Variants in EML4 observed in about 807,000 individuals in gnomAD.
EML4 encodes the protein echinoderm microtubule-associated protein-like 4.
Under a neutral mutation model 129.0 loss-of-function variants are expected in EML4, and 72 were observed. That is an observed-to-expected ratio of 0.56 (90% CI 0.46 to 0.68). The LOEUF (loss-of-function observed/expected upper bound fraction) is 0.68, where lower values mean the gene tolerates loss of function less well. Ranked by LOEUF, EML4 falls within the 30% of genes least tolerant of loss-of-function variation. The pLI is 0.00. For synonymous variants in EML4, 532 were observed against 405.0 expected (o/e 1.31, Z -3.77); for missense variants, 1,363 against 1,190.6 (o/e 1.14, Z -2.13).
intron 1 of EML4, among the ~76,000 whole-genome samples, chr2:42,171,166 A>G (rs184114986): frequency 1.2e-4 from 19 of 152,214 alleles, no homozygotes; most frequent in Admixed American, 2.6e-4. Context: ...GTTCTTTTTT[A>G]GCTCCATGCG....
At chr2:42,208,973 C>G (rs888059882) in intron 1 of EML4, among the ~76,000 whole-genome samples, 1 of 152,124 alleles carries the variant, frequency 6.6e-6, no homozygotes, top group Non-Finnish European at 1.5e-5. Flanking sequence ...TTGTCTACTC[C>G]TAGCTTTTGT....
chr2:42,302,069 T>G (rs1187696362), intron 14 of EML4, among the ~76,000 whole-genome samples: 1 of 152,166 alleles, frequency 6.6e-6, no homozygotes, highest in African/African-American at 2.4e-5. Context: ...TTTGAGATTA[T>G]TATTAAATGT....
At chr2:42,272,073 A>C (rs1666402993) in intron 6 of EML4, among the ~76,000 whole-genome samples, 1 of 118,168 alleles carries the variant, frequency 8.5e-6, no homozygotes. Context: ...ACTGCACTCC[A>C]TCTCAAAAAA....
intron 5 of EML4, among the ~76,000 whole-genome samples, chr2:42,264,070 T>C (rs542890224): frequency 6.7e-6 from 1 of 150,128 alleles, no homozygotes; most frequent in Non-Finnish European, 1.5e-5. Context: ...AAGTTGTATC[T>C]ACCTTTTAAG....
At chr2:42,305,925 C>G (rs1259897383) in intron 17 of EML4, among the ~76,000 whole-genome samples, 3 of 152,006 alleles carry the variant, frequency 2.0e-5, no homozygotes, top group Non-Finnish European at 4.4e-5. Flanking sequence ...CTGTTAGATA[C>G]AAATTAACAC....
chr2:42,247,659 C>G (rs555179689), intron 2 of EML4, among the ~76,000 whole-genome samples: 1 of 150,554 alleles, frequency 6.6e-6, no homozygotes. Flanking sequence ...TGCTTGCTTG[C>G]TTGATTTATT....
At chr2:42,310,809 T>G (rs996830564) in intron 17 of EML4, among the ~76,000 whole-genome samples, 3 of 152,232 alleles carry the variant, frequency 2.0e-5, no homozygotes, top group Non-Finnish European at 4.4e-5. Context: ...TTTTTTTAAT[T>G]TGTAGAAAAT....
chr2:42,235,812 A>G (rs543617036), intron 1 of EML4, among the ~76,000 whole-genome samples: 2 of 152,228 alleles, frequency 1.3e-5, no homozygotes, highest in East Asian at 1.9e-4. Context: ...AGTTGTTTTT[A>G]TGCCACAAAA....
Position 42,331,727 on chromosome 2 carries a change from G to C in EML4, c.*1520G>C. 1 of 219,718 alleles carries C rather than the reference G, an allele frequency of 4.6e-6. No homozygotes were observed. The highest frequency in any genetic ancestry group is 6.7e-5 in the East Asian group (1 of 14,918). The allele number at this position is 219,718 out of a possible 1,614,324, so 13.6% of individuals were successfully genotyped here. A position where few individuals can be genotyped will look rare whatever the true frequency, so the allele number is the denominator to read the frequency against. ...CAAATCAGGTATTTCATCATCATTT[G>C]GTAATATGAAAACTCCAGTGAACTC... On this transcript the variant is annotated 3_prime_UTR_variant, in exon 23 of 23. Transcript: ENST00000318522.
At chr2:42,176,807 T>C (rs187564222) in intron 1 of EML4, among the ~76,000 whole-genome samples, 82 of 152,288 alleles carry the variant, frequency 5.4e-4, no homozygotes, top group African/African-American at 1.8e-3. Context: ...TATTTATTTT[T>C]TTATGAGACA....
intron 1 of EML4, among the ~76,000 whole-genome samples, chr2:42,176,332 T>G (rs745756334): frequency 2.6e-5 from 4 of 152,226 alleles, no homozygotes; most frequent in Non-Finnish European, 5.9e-5. Context: ...GTCGAGAATC[T>G]CCACCTGTCC....
chr2:42,213,546 T>C (rs1251544852), intron 1 of EML4, among the ~76,000 whole-genome samples: 2 of 152,228 alleles, frequency 1.3e-5, no homozygotes, highest in Non-Finnish European at 2.9e-5. Context: ...ACTTAATGAT[T>C]GAATCTTTCC....
chr2:42,270,609 C>T (rs1396581182), intron 6 of EML4, among the ~76,000 whole-genome samples: 6 of 152,220 alleles, frequency 3.9e-5, no homozygotes, highest in East Asian at 1.9e-4. Flanking sequence ...TAAAATTTAT[C>T]GATAAAGATA....
At chr2:42,262,545 C>A (rs189270776) in intron 4 of EML4, among the ~76,000 whole-genome samples, 1 of 152,078 alleles carries the variant, frequency 6.6e-6, no homozygotes, top group African/African-American at 2.4e-5. Context: ...TATACTGTTG[C>A]AAGAAGTATT....
At chr2:42,172,996 A>C (rs892045886) in intron 1 of EML4, among the ~76,000 whole-genome samples, 1 of 152,226 alleles carries the variant, frequency 6.6e-6, no homozygotes, top group Non-Finnish European at 1.5e-5. Flanking sequence ...TCAAAAGTTA[A>C]ACAACAAAAC....
chr2:42,314,571 TC>T (rs565046582), intron 17 of EML4, among the ~76,000 whole-genome samples: 75 of 152,334 alleles, frequency 4.9e-4, no homozygotes, highest in African/African-American at 1.7e-3. Flanking sequence ...TTCCATCCCA[TC>T]CATTTTCTTC....
chr2:42,307,411 T>G (rs1047490829), intron 17 of EML4, among the ~76,000 whole-genome samples: 1 of 152,226 alleles, frequency 6.6e-6, no homozygotes, highest in African/African-American at 2.4e-5. Context: ...TTGATTAGAA[T>G]CTAGGGGAGA....
At position 42,317,932 on chromosome 2, in the gene EML4, G is replaced by A. The variant is rs553661846; in HGVS notation, c.2154+408G>A. On this transcript the variant is annotated intron_variant, in intron 19 of 22. Transcript: ENST00000318522. The stretch of plus-strand genomic sequence containing the variant: ...TCTCTGCCACTGAAAATAAAAGAAT[G>A]TATATGGATATTTGTCTGCATTTAA... Among the ~76,000 whole-genome samples the A allele has an allele frequency of 1.8e-4, 27 of 152,298 alleles. No individual in the cohort carries two copies. The South Asian group carries it at 5.6e-3, about 32-fold the overall frequency.
chr2:42,249,987 T>C (rs1268745676), intron 2 of EML4, among the ~76,000 whole-genome samples: 1 of 152,228 alleles, frequency 6.6e-6, no homozygotes, highest in Non-Finnish European at 1.5e-5. Flanking sequence ...CTGGAAGTTT[T>C]AGCTGCCAAG....
Sources: allele counts gnomAD v4.1 joint callset (sites outside exome capture counted in the v4.1 genomes callset), GRCh38; gene constraint gnomAD v4.1.1; transcripts MANE v1.5; gene names NCBI Gene and HGNC (gene_info 2026-07-23, HGNC 2026-07-21).